The following LRP2BP variants were observed in gnomAD, a reference collection of about 807,000 sequenced individuals.
LRP2BP encodes LRP2 binding protein.
LRP2BP carries 38 observed loss-of-function variants against 45.2 expected under a neutral mutation model. The observed-to-expected ratio is 0.84, with a 90% CI of 0.65 to 1.10. LRP2BP has a LOEUF of 1.10. LRP2BP is among the 50% of genes least tolerant of loss of function. The pLI is 0.00. For missense variants in LRP2BP, 385 were observed against 418.9 expected, an observed-to-expected ratio of 0.92 and a Z score of 0.71; for synonymous variants, 153 against 153.9, an observed-to-expected ratio of 0.99 and a Z score of 0.04.
At chr4:185,386,614 T>C (rs1475728654) in intron 1 of LRP2BP, among the ~76,000 whole-genome samples, 1 of 152,116 alleles carries the variant, frequency 6.6e-6, no homozygotes, top group African/African-American at 2.4e-5. Flanking sequence ...TGATGGTGTT[T>C]TAGTCTTTGC....
intron 1 of LRP2BP, among the ~76,000 whole-genome samples, chr4:185,394,273 A>G (rs1359510314): frequency 2.1e-5 from 3 of 145,848 alleles, no homozygotes; most frequent in Non-Finnish European, 4.5e-5. Flanking sequence ...TTAAAAAAAA[A>G]AAAAAAAAAA....
At chr4:185,380,842 T>C (rs1417215582) in intron 1 of LRP2BP, among the ~76,000 whole-genome samples, 1 of 152,054 alleles carries the variant, frequency 6.6e-6, no homozygotes, top group African/African-American at 2.4e-5. Flanking sequence ...TCGTTTTTTT[T>C]CTCTCTGACA....
At chr4:185,374,556 G>A in intron 4 of LRP2BP, 95 bp from the exon 5 acceptor site, 2 of 1,309,592 alleles carry the variant, frequency 1.5e-6, no homozygotes, top group Non-Finnish European at 2.1e-6. Flanking sequence ...TCCGCCCTCT[G>A]ACACGATGTA....
intron 1 of LRP2BP, among the ~76,000 whole-genome samples, chr4:185,393,997 G>A (rs1198211851): frequency 6.6e-6 from 1 of 152,148 alleles, no homozygotes; most frequent in African/African-American, 2.4e-5. Flanking sequence ...GGTGGCTCAT[G>A]CCTGTAATCC....
chr4:185,370,561 T>G lies in LRP2BP; in HGVS notation c.978+79A>C, dbSNP rs530346001. 10 of 1,436,812 alleles carry G rather than the reference T, an allele frequency of 7.0e-6. No individual in the cohort carries two copies. The African/African-American group carries it at 9.8e-5, about 14-fold the overall frequency. The allele number at this position is 1,436,812 out of a possible 1,614,324, so 89.0% of individuals were successfully genotyped here. A position where few individuals can be genotyped will look rare whatever the true frequency, so the allele number is the denominator to read the frequency against. On this transcript the variant is annotated intron_variant, in intron 8 of 8. Transcript: ENST00000505916. ...AGTAATTGAGTAGAAAAAACACTAATCCGTAAAACTATTCAAGTTGCAGCT... is the reference window on the plus strand; with the variant it reads ...AGTAATTGAGTAGAAAAAACACTAAGCCGTAAAACTATTCAAGTTGCAGCT...
intron 1 of LRP2BP, among the ~76,000 whole-genome samples, chr4:185,388,087 A>G (rs183509585): frequency 1.2e-3 from 190 of 152,282 alleles, no homozygotes; most frequent in Non-Finnish European, 2.5e-3. Context: ...AACCTAAGCT[A>G]ATATTTTCAG....
At chr4:185,380,834 G>T (rs6849261) in intron 1 of LRP2BP, among the ~76,000 whole-genome samples, 22,143 of 150,650 alleles carry the variant, frequency 0.15, 1,944 homozygotes, top group African/African-American at 0.23. Context: ...ATTTTCCATC[G>T]TTTTTTTTCT....
chr4:185,387,769 G>A (rs959792557), intron 1 of LRP2BP, among the ~76,000 whole-genome samples: 3 of 152,150 alleles, frequency 2.0e-5, no homozygotes, highest in Non-Finnish European at 2.9e-5. Context: ...GCTGGATAAC[G>A]GGTTCTTGCA....
At chr4:185,381,400 A>G (rs2095455743) in intron 1 of LRP2BP, among the ~76,000 whole-genome samples, 1 of 152,160 alleles carries the variant, frequency 6.6e-6, no homozygotes, top group South Asian at 2.1e-4. Context: ...AAATTTATAC[A>G]TGTTTTTGTT....
At chr4:185,375,427 G>T (rs2095430027) in intron 4 of LRP2BP, among the ~76,000 whole-genome samples, 186 bp downstream of exon 4, 1 of 112,364 alleles carries the variant, frequency 8.9e-6, no homozygotes, top group Non-Finnish European at 1.7e-5. Flanking sequence ...TTGCACTCCA[G>T]CCTGGGCGAC....
upstream of LRP2BP, chr4:185,396,758 G>A: frequency 5.6e-6 from 4 of 718,408 alleles, no homozygotes; most frequent in Admixed American, 2.1e-5. Flanking sequence ...CTGCTCGGGC[G>A]TAACCGGAGC....
chr4:185,378,083 G>A lies in LRP2BP; in HGVS notation c.104C>T (p.Thr35Ile). ...AGCTTAAATATCAGGATTTGTACCA[G>A]TCTTTTCCTTTTTCCACTGGAAAAA... ...QKFFQWKKEK[T>I]DYTHANLVDK... Residue 35 changes from threonine to isoleucine, a missense_variant and splice_region_variant, in exon 2 of 9, where the codon ACT (threonine) becomes ATT (isoleucine). By Grantham distance (89) the Thr-to-Ile change is moderately conservative. Transcript: ENST00000505916. The A allele has an allele frequency of 1.2e-6, 2 of 1,611,130 alleles. No individual in the cohort carries two copies. Among genetic ancestry groups the A allele is most frequent in the Non-Finnish European group, 1.7e-6 (2 of 1,177,628 alleles).
At chr4:185,381,919 T>A (rs2095457013) in intron 1 of LRP2BP, among the ~76,000 whole-genome samples, 1 of 152,202 alleles carries the variant, frequency 6.6e-6, no homozygotes, top group South Asian at 2.1e-4. Flanking sequence ...AAGTGTACAA[T>A]TCAGAGGTTT....
rs942942587 is a variant in LRP2BP, at chr4:185,395,553, T to C, written c.-796A>G. The C allele has an allele frequency of 3.1e-6, 3 of 982,230 alleles. No homozygotes were observed. Among genetic ancestry groups the C allele is most frequent in the South Asian group, 4.7e-5 (1 of 21,206 alleles). 60.8% of individuals were successfully genotyped at this position (982,230 alleles called of 1,614,324 possible). A position where few individuals can be genotyped will look rare whatever the true frequency, so the allele number is the denominator to read the frequency against. Reference sequence around the variant, plus strand: ...AAACATCATTAAAAGATATTGTGAATAGTTTAAATATTAAAAATGTGGAAT... The same window carrying C: ...AAACATCATTAAAAGATATTGTGAACAGTTTAAATATTAAAAATGTGGAAT... On this transcript the variant is annotated 5_prime_UTR_variant, in exon 1 of 9. Transcript: ENST00000505916.
rs2095380192 is a variant in LRP2BP at position 185,364,645 on chromosome 4, A to AT, written c.*2534dup. On this transcript the variant is annotated 3_prime_UTR_variant, in exon 9 of 9. Coordinates refer to ENST00000505916, the MANE Select transcript of LRP2BP (RefSeq NM_001377440.1). Reference sequence around the variant, plus strand: ...TAGTAAACCAAATGTTATCCTTAAGATTTTTTTAGTTATAGCTTTTTTATC... The same window carrying AT: ...TAGTAAACCAAATGTTATCCTTAAGATTTTTTTTAGTTATAGCTTTTTTATC... 6.6e-6 allele frequency: 1 copy of AT among 152,014 alleles called. No homozygotes were observed. The highest frequency in any genetic ancestry group is 2.4e-5 in the African/African-American group (1 of 41,410). 9.4% of individuals were successfully genotyped at this position (152,014 alleles called of 1,614,324 possible).
At position 185,379,844 on chromosome 4, in the gene LRP2BP, G is replaced by T. The variant is rs553176812; in HGVS notation, c.-21-1637C>A. Among the ~76,000 whole-genome samples the T allele has an allele frequency of 4.7e-5, 7 of 148,324 alleles. 1 individual carries two copies. In the South Asian group the frequency reaches 1.1e-3, roughly 23 times the overall value. On this transcript the variant is annotated intron_variant, in intron 1 of 8. Coordinates refer to ENST00000505916, the MANE Select transcript of LRP2BP (RefSeq NM_001377440.1). ...TCTCTCTCTCTCTCTCTGAGACAGCGTCTCACTCTGTCATCCAGGCTAGAA... is the reference window on the plus strand; with the variant it reads ...TCTCTCTCTCTCTCTCTGAGACAGCTTCTCACTCTGTCATCCAGGCTAGAA...
chr4:185,374,235 C>A lies in LRP2BP; in HGVS notation c.479G>T (p.Trp160Leu). The change falls in exon 6 of 9, where the codon TGG becomes TTG. Residue 160 changes from tryptophan (W) to leucine (L), a missense_variant. Coordinates refer to ENST00000505916, the MANE Select transcript of LRP2BP (RefSeq NM_001377440.1). The stretch of plus-strand genomic sequence containing the variant: ...ATTTCCATTGTCTGCTGCGATAAGC[C>A]ACAGTCTACAAGAGAAAGTGAGGCA... ...KRSNEEAERL[W>L]LIAADNGNPK... 6.2e-7 allele frequency: 1 copy of A among 1,614,122 alleles called. No homozygotes were observed. Among genetic ancestry groups the A allele is most frequent in the South Asian group, 1.1e-5 (1 of 91,062 alleles).
intron 4 of LRP2BP, among the ~76,000 whole-genome samples, chr4:185,374,736 C>T (rs575371593): frequency 4.6e-5 from 7 of 152,264 alleles, no homozygotes; most frequent in African/African-American, 1.2e-4. Context: ...ATTTAAGTCT[C>T]GATATGGGCT....
intron 1 of LRP2BP, chr4:185,378,695 A>G (rs1439363446): frequency 1.0e-6 from 1 of 986,494 alleles, no homozygotes; most frequent in Admixed American, 6.1e-5. Flanking sequence ...TCCTGTCTGT[A>G]TTGGATTGCC....
Sources: gnomAD v4.1 joint callset for allele counts (sites outside exome capture counted in the v4.1 genomes callset) on GRCh38, gnomAD v4.1.1 for gene constraint, MANE v1.5 for transcripts, NCBI Gene and HGNC (gene_info 2026-07-23, HGNC 2026-07-21) for gene names.